PTPRD: variants seen among roughly 807,000 people sequenced by gnomAD.
The protein encoded by PTPRD is protein tyrosine phosphatase receptor type D.
PTPRD carries 34 observed loss-of-function variants against 214.5 expected under a neutral mutation model. The ratio of observed to expected loss-of-function variants is 0.16; its 90% confidence interval spans 0.12 to 0.21. The LOEUF (loss-of-function observed/expected upper bound fraction) is 0.21, where lower values mean the gene tolerates loss of function less well. PTPRD is among the 10% of genes least tolerant of loss of function. PTPRD has a pLI of 1.00. For missense variants in PTPRD, 2,545 were observed against 2,398.7 expected, an observed-to-expected ratio of 1.06 and a Z score of -1.27; for synonymous variants, 1,128 against 845.7, an observed-to-expected ratio of 1.33 and a Z score of -5.79.
chr9:10,506,658 A>G (rs12685232), intron 2 of PTPRD, among the ~76,000 whole-genome samples: 21,678 of 152,020 alleles, frequency 0.14, 2,548 homozygotes, highest in African/African-American at 0.33. Context: ...TCCAAGATCT[A>G]ATCCAGACTA....
chr9:10,477,501 G>A (rs2099070715), intron 2 of PTPRD, among the ~76,000 whole-genome samples: 1 of 152,146 alleles, frequency 6.6e-6, no homozygotes, highest in Non-Finnish European at 1.5e-5. Flanking sequence ...AAGAGGATGT[G>A]GAGAAATAAG....
rs201098930 is a variant in PTPRD, at chr9:10,309,272, TA to T, written c.-545+31690del. Among the ~76,000 whole-genome samples, 722 of 152,172 alleles carry T rather than the reference TA, an allele frequency of 4.7e-3. 8 individuals are homozygous for T. The highest frequency in any genetic ancestry group is 0.016 in the African/African-American group (653 of 41,544). On this transcript the variant is annotated intron_variant, in intron 3 of 45. Transcript: ENST00000381196. ...TCCTTTTCTTATTTTCTTCTTCACT[TA>T]AAAAATGGCTTATTAATTTCATAAA... is the stretch of plus-strand genomic sequence containing the variant.
At chr9:10,315,864 A>G (rs2154422228) in intron 3 of PTPRD, among the ~76,000 whole-genome samples, 1 of 151,970 alleles carries the variant, frequency 6.6e-6, no homozygotes, top group Non-Finnish European at 1.5e-5. Flanking sequence ...CATTTATAGT[A>G]GTATATTTTA....
At chr9:9,098,464 G>C (rs555033474) in intron 10 of PTPRD, among the ~76,000 whole-genome samples, 1 of 152,040 alleles carries the variant, frequency 6.6e-6, no homozygotes, top group Non-Finnish European at 1.5e-5. Context: ...GGCCAGTCTG[G>C]TGTCGAACTC....
chr9:8,621,277 G>A (rs112217742), intron 14 of PTPRD, among the ~76,000 whole-genome samples: 19 of 151,916 alleles, frequency 1.3e-4, no homozygotes, highest in Non-Finnish European at 2.2e-4. Flanking sequence ...GAGGACACAG[G>A]AAGCGTGGTC....
chr9:10,381,231 T>A lies in PTPRD; in HGVS notation c.-599-40214A>T, dbSNP rs1455179632. 5.3e-5 allele frequency among the ~76,000 whole-genome samples: 8 copies of A among 152,128 alleles called. No individual in the cohort carries two copies. The East Asian group carries it at 1.4e-3, about 26-fold the overall frequency. ...TCTGACCACACATCGCCTTTACAAA[T>A]TTTATCTTTTCTTTAGTTGTGAAGT... On this transcript the variant is annotated intron_variant, in intron 2 of 45. Transcript: ENST00000381196.
chr9:8,509,098 T>C (rs1173970876), intron 21 of PTPRD, among the ~76,000 whole-genome samples: 1 of 152,114 alleles, frequency 6.6e-6, no homozygotes, highest in East Asian at 1.9e-4. Flanking sequence ...TCACATTTTT[T>C]TCCCCAGTAC....
chr9:8,449,574 T>G, intron 34 of PTPRD, 151 bp downstream of exon 34: 1 of 663,772 alleles, frequency 1.5e-6, no homozygotes, highest in Non-Finnish European at 2.3e-6. Flanking sequence ...TTTCAGACTT[T>G]TGCTTGGGCA....
chr9:9,961,542 T>C (rs2094364370), intron 4 of PTPRD, among the ~76,000 whole-genome samples: 1 of 152,186 alleles, frequency 6.6e-6, no homozygotes, highest in African/African-American at 2.4e-5. Context: ...GCTGGCTATA[T>C]AGCAATTGGT....
chr9:10,412,797 T>G (rs2098450725), intron 2 of PTPRD, among the ~76,000 whole-genome samples: 1 of 151,908 alleles, frequency 6.6e-6, no homozygotes, highest in Non-Finnish European at 1.5e-5. Flanking sequence ...GATGCAAGGT[T>G]GCTTCAACGT....
chr9:9,952,203 G>T (rs960867505), intron 4 of PTPRD, among the ~76,000 whole-genome samples: 4 of 152,134 alleles, frequency 2.6e-5, no homozygotes, highest in African/African-American at 9.7e-5. Context: ...AGGAGAAATG[G>T]TAACTTTGAA....
At chr9:10,124,438 C>T (rs561294439) in intron 3 of PTPRD, among the ~76,000 whole-genome samples, 1 of 152,076 alleles carries the variant, frequency 6.6e-6, no homozygotes, top group African/African-American at 2.4e-5. Context: ...CGTATTCACC[C>T]CACATTTTTT....
intron 2 of PTPRD, among the ~76,000 whole-genome samples, chr9:10,575,040 A>G (rs1237106232): frequency 6.6e-6 from 1 of 151,998 alleles, no homozygotes; most frequent in Non-Finnish European, 1.5e-5. Flanking sequence ...CTTTTAATGT[A>G]TGAGAAATAT....
chr9:9,084,902 C>T (rs2099764774), intron 10 of PTPRD, among the ~76,000 whole-genome samples: 1 of 152,114 alleles, frequency 6.6e-6, no homozygotes, highest in African/African-American at 2.4e-5. Context: ...GCCACTTTCT[C>T]ATATGTATTT....
chr9:9,364,320 G>T lies in PTPRD; in HGVS notation c.-203+33129C>A, dbSNP rs140477780. 2.7e-3 allele frequency among the ~76,000 whole-genome samples: 410 copies of T among 151,572 alleles called. 2 individuals carry two copies. Among genetic ancestry groups the T allele is most frequent in the African/African-American group, 9.7e-3 (401 of 41,452 alleles). On this transcript the variant is annotated intron_variant, in intron 9 of 45. Transcript: ENST00000381196. The stretch of plus-strand genomic sequence containing the variant: ...ACAGTAGTAAACAAAATTGTGAAGA[G>T]AATTTTCCCCCGAAGTGCTTACATT...
chr9:9,740,361 A>ATTTTTTTT (rs35876773), intron 6 of PTPRD, among the ~76,000 whole-genome samples: 27 of 145,600 alleles, frequency 1.9e-4, no homozygotes, highest in African/African-American at 6.4e-4. Context: ...TAAAACTACT[A>ATTTTTTTT]TTTTTTTTTT....
chr9:9,260,247 TA>T (rs1314483675), intron 9 of PTPRD, among the ~76,000 whole-genome samples: 1 of 151,806 alleles, frequency 6.6e-6, no homozygotes, highest in African/African-American at 2.4e-5. Context: ...CTCCATCAGC[TA>T]AAGCCCTGAA....
chr9:9,655,386 A>G (rs2096484072), intron 7 of PTPRD, among the ~76,000 whole-genome samples: 1 of 152,082 alleles, frequency 6.6e-6, no homozygotes, highest in African/African-American at 2.4e-5. Flanking sequence ...TCTGACCAAT[A>G]TGGTGAAACC....
At chr9:10,212,212 T>A (rs1398198669) in intron 3 of PTPRD, among the ~76,000 whole-genome samples, 3 of 151,960 alleles carry the variant, frequency 2.0e-5, no homozygotes, top group East Asian at 1.9e-4. Context: ...CCTTCTTAGA[T>A]GAATATAAAC....
Sources: gnomAD v4.1 joint callset for allele counts (sites outside exome capture counted in the v4.1 genomes callset) on GRCh38, gnomAD v4.1.1 for gene constraint, MANE v1.5 for transcripts, NCBI Gene and HGNC (gene_info 2026-07-23, HGNC 2026-07-21) for gene names.